ADGRD1: variants seen among roughly 807,000 people sequenced by gnomAD.
ADGRD1 encodes adhesion G protein-coupled receptor D1.
In ADGRD1, 77 loss-of-function variants were observed where a neutral mutation model predicts 113.4. The observed-to-expected ratio is 0.68, with a 90% CI of 0.57 to 0.82. The LOEUF (loss-of-function observed/expected upper bound fraction) is 0.82, where lower values mean the gene tolerates loss of function less well. Among genes scored for constraint, ADGRD1 ranks in the 40% least tolerant of loss-of-function variants. ADGRD1 has a pLI of 0.00. For missense variants in ADGRD1, 1,036 were observed against 1,139.1 expected, an observed-to-expected ratio of 0.91 and a Z score of 1.30; for synonymous variants, 474 against 475.0, an observed-to-expected ratio of 1.00 and a Z score of 0.03.
rs1365140692 is a variant in ADGRD1 at position 130,966,147 on chromosome 12, T to A, written c.104-316T>A. 6.6e-6 allele frequency among the ~76,000 whole-genome samples: 1 copy of A among 152,232 alleles called. No homozygotes were observed. Among genetic ancestry groups the A allele is most frequent in the East Asian group, 1.9e-4 (1 of 5,202 alleles). On this transcript the variant is annotated intron_variant, in intron 2 of 24. Coordinates refer to ENST00000261654, the MANE Select transcript of ADGRD1 (RefSeq NM_198827.5). This position sits in a 1 kb window ranked among gnomAD's most constrained non-coding sequence, Gnocchi z 4.6. Reference sequence around the variant, plus strand: ...CAGCGGGATATGGAACATTCTTATCTTTTCCTGACATGAATGGGCAAGCTT... The same window carrying A: ...CAGCGGGATATGGAACATTCTTATCATTTCCTGACATGAATGGGCAAGCTT...
intron 13 of ADGRD1, among the ~76,000 whole-genome samples, chr12:131,033,104 C>T (rs2136938059): frequency 6.6e-6 from 1 of 152,382 alleles, no homozygotes; most frequent in Admixed American, 6.5e-5. Flanking sequence ...ACATTCATGG[C>T]TCGTGCCAGG....
chr12:131,103,059 G>A (rs1157041582), intron 15 of ADGRD1, among the ~76,000 whole-genome samples: 1 of 152,218 alleles, frequency 6.6e-6, no homozygotes, highest in Non-Finnish European at 1.5e-5. Context: ...CCCTGGCCAC[G>A]CAGTGCCCAC....
chr12:130,971,295 G>A lies in ADGRD1; in HGVS notation c.188-163G>A. On this transcript the variant is annotated intron_variant, in intron 3 of 24. Coordinates refer to ENST00000261654, the MANE Select transcript of ADGRD1 (RefSeq NM_198827.5). The surrounding 1 kb of genome is among the most constrained non-coding windows in gnomAD (Gnocchi z 4.2). ...TTTAATTACTAATAATATTACTGATGCTATGAATATTATCATAGAATAATA... is the reference window on the plus strand; with the variant it reads ...TTTAATTACTAATAATATTACTGATACTATGAATATTATCATAGAATAATA... The A allele has an allele frequency of 9.1e-6, 3 of 330,930 alleles. No homozygotes were observed. Among genetic ancestry groups the A allele is most frequent in the South Asian group, 6.8e-5 (1 of 14,780 alleles). The allele number at this position is 330,930 out of a possible 1,614,324, so 20.5% of individuals were successfully genotyped here.
chr12:131,134,615 C>T (rs1226472452), intron 21 of ADGRD1, among the ~76,000 whole-genome samples: 2 of 152,222 alleles, frequency 1.3e-5, no homozygotes, highest in Admixed American at 1.3e-4. Context: ...CTGGCTGCGG[C>T]TTCTCTGAGA....
intron 13 of ADGRD1, among the ~76,000 whole-genome samples, chr12:131,025,060 G>A (rs954865362): frequency 2.6e-5 from 4 of 152,254 alleles, no homozygotes; most frequent in Non-Finnish European, 5.9e-5. Context: ...CCATGTTTGT[G>A]TCTTCTGTGA....
intron 8 of ADGRD1, among the ~76,000 whole-genome samples, chr12:130,996,910 G>A (rs1194323346): frequency 9.2e-5 from 12 of 131,030 alleles, no homozygotes; most frequent in South Asian, 2.5e-4. Flanking sequence ...AGGGGCGGCC[G>A]GGCAGAGGAG....
chr12:131,000,338 T>C (rs759167695), intron 8 of ADGRD1, 45 bp from the exon 9 acceptor site: 22 of 1,499,764 alleles, frequency 1.5e-5, no homozygotes, highest in Non-Finnish European at 5.6e-6. Context: ...TCAAGTTTGT[T>C]GCCTAAGGAC....
chr12:131,007,386 C>A (rs554775739), intron 12 of ADGRD1, among the ~76,000 whole-genome samples: 1 of 152,366 alleles, frequency 6.6e-6, no homozygotes, highest in African/African-American at 2.4e-5. Context: ...GGCGGCCAGC[C>A]CAAGAGCTGC....
chr12:131,029,510 C>T (rs1295723013), intron 13 of ADGRD1, among the ~76,000 whole-genome samples: 1 of 151,888 alleles, frequency 6.6e-6, no homozygotes, highest in Admixed American at 6.6e-5. Context: ...GTGACATTCC[C>T]AGGCTCTGGG....
At chr12:131,055,279 G>A (rs1483312832) in intron 13 of ADGRD1, among the ~76,000 whole-genome samples, 3 of 152,092 alleles carry the variant, frequency 2.0e-5, no homozygotes, top group Non-Finnish European at 4.4e-5. Flanking sequence ...GGGTGCCCAC[G>A]GATTCACGTG....
At chr12:131,064,385 G>GT (rs1311276488) in intron 13 of ADGRD1, among the ~76,000 whole-genome samples, 1 of 152,130 alleles carries the variant, frequency 6.6e-6, no homozygotes, top group Admixed American at 6.5e-5. Flanking sequence ...GATTTTGTTG[G>GT]TTTTTCTGCC....
At chr12:130,963,243 C>G (rs1415760316) in intron 2 of ADGRD1, among the ~76,000 whole-genome samples, 1 of 146,862 alleles carries the variant, frequency 6.8e-6, no homozygotes, top group Non-Finnish European at 1.5e-5. Flanking sequence ...TGGCGTGAAC[C>G]CGGGAGGCGG....
At chr12:131,122,922 G>C (rs2136062279) in intron 20 of ADGRD1, among the ~76,000 whole-genome samples, 1 of 152,032 alleles carries the variant, frequency 6.6e-6, no homozygotes, top group Admixed American at 6.5e-5. Context: ...TGTCATTCCT[G>C]AGGGGACATT....
intron 15 of ADGRD1, among the ~76,000 whole-genome samples, chr12:131,095,976 G>A (rs4759846): frequency 0.26 from 38,071 of 148,054 alleles, 5,581 homozygotes; most frequent in South Asian, 0.44. Flanking sequence ...GGAAACTGAC[G>A]GTCACGGCCA....
intron 2 of ADGRD1, among the ~76,000 whole-genome samples, chr12:130,959,916 C>T (rs1870143785): frequency 6.6e-6 from 1 of 152,204 alleles, no homozygotes; most frequent in African/African-American, 2.4e-5. Context: ...TATTGAGCCA[C>T]TTCTCACTTT....
At chr12:131,126,689 T>A (rs1237144283) in intron 20 of ADGRD1, among the ~76,000 whole-genome samples, 2 of 152,200 alleles carry the variant, frequency 1.3e-5, no homozygotes, top group Non-Finnish European at 2.9e-5. Flanking sequence ...CACGAGACCT[T>A]TGCTTTACAG....
chr12:130,966,643 G>A lies in ADGRD1; in HGVS notation c.187+97G>A, dbSNP rs1283080848. The stretch of plus-strand genomic sequence containing the variant: ...GAGTGGCTGGCCTTGAAATCCCAGG[G>A]CCATTGGGGGACGTGGGTGCTGAGA... On this transcript the variant is annotated intron_variant, in intron 3 of 24. Transcript: ENST00000261654. This position sits in a 1 kb window ranked among gnomAD's most constrained non-coding sequence, Gnocchi z 4.6. 3 of 784,412 alleles carry A rather than the reference G, an allele frequency of 3.8e-6. No individual in the cohort carries two copies. The African/African-American group carries it at 5.1e-5, about 13-fold the overall frequency. 48.6% of individuals were successfully genotyped at this position (784,412 alleles called of 1,614,324 possible). A position where few individuals can be genotyped will look rare whatever the true frequency, so the allele number is the denominator to read the frequency against.
intron 4 of ADGRD1, chr12:130,977,823 G>T (rs1014621777): frequency 5.3e-5 from 8 of 152,374 alleles, no homozygotes; most frequent in African/African-American, 1.9e-4. Context: ...CTCCTGGGCC[G>T]CTGCTTTGTT....
Position 131,138,194 on chromosome 12 carries a change from C to T in ADGRD1, c.2494C>T (p.Arg832Cys), listed in dbSNP as rs756162684. ...CTGGTCGCTCACGAGCAGCTCTGCC[C>T]GCACCTCCAACGCGAAGCCCTTCCA... ...KVWSLTSSSA[R>C]TSNAKPFHSD... The change falls in exon 24 of 25, where the codon CGC becomes TGC. Residue 832 changes from arginine to cysteine, a missense_variant. By Grantham distance (180) the Arg-to-Cys change is radical. Coordinates refer to ENST00000261654, the MANE Select transcript of ADGRD1 (RefSeq NM_198827.5). The T allele has an allele frequency of 4.8e-5, 77 of 1,613,552 alleles. No homozygotes were observed. Among genetic ancestry groups the T allele is most frequent in the Non-Finnish European group, 5.9e-5 (70 of 1,179,970 alleles).
Sources: gnomAD v4.1 joint callset for allele counts (sites outside exome capture counted in the v4.1 genomes callset) on GRCh38, gnomAD v4.1.1 for gene constraint, Gnocchi (gnomAD v3.1) non-coding constraint, MANE v1.5 for transcripts, NCBI Gene and HGNC (gene_info 2026-07-23, HGNC 2026-07-21) for gene names.